Variants in CES5A observed in about 807,000 individuals in gnomAD.
CES5A encodes carboxylesterase 5A, also known as carboxylesterase 5.
Under a neutral mutation model 62.9 loss-of-function variants are expected in CES5A, and 67 were observed. That is an observed-to-expected ratio of 1.07 (90% CI 0.88 to 1.31). The LOEUF (loss-of-function observed/expected upper bound fraction) is 1.31. CES5A is among the 50% of genes most tolerant of loss of function. The pLI, the probability that CES5A is intolerant of heterozygous loss-of-function variation, is 0.00. For missense variants in CES5A, 748 were observed against 708.5 expected, an observed-to-expected ratio of 1.06 and a Z score of -0.63; for synonymous variants, 296 against 280.8, an observed-to-expected ratio of 1.05 and a Z score of -0.54.
upstream of CES5A, among the ~76,000 whole-genome samples, chr16:55,927,802 T>C (rs1354304338): frequency 6.6e-6 from 1 of 152,190 alleles, no homozygotes; most frequent in Non-Finnish European, 1.5e-5. Context: ...GTTACTATAT[T>C]TTAAAAAGTT....
chr16:55,873,293 A>G (rs1319199389), intron 2 of CES5A, among the ~76,000 whole-genome samples: 1 of 152,134 alleles, frequency 6.6e-6, no homozygotes, highest in African/African-American at 2.4e-5. Context: ...AGACACATCC[A>G]CATGTTCATT....
intron 9 of CES5A, among the ~76,000 whole-genome samples, chr16:55,854,534 T>TTTTTTTTC (rs2033197658): frequency 3.5e-4 from 4 of 11,462 alleles, no homozygotes; most frequent in South Asian, 2.8e-3. Flanking sequence ...AGTGTTTCTT[T>TTTTTTTTC]TTTTTTTTTC....
At chr16:55,854,457 C>A (rs2033192213) in intron 9 of CES5A, among the ~76,000 whole-genome samples, 2 of 151,428 alleles carry the variant, frequency 1.3e-5, no homozygotes. Flanking sequence ...AGTCCCAATT[C>A]ATCATCAGAC....
In CES5A at chr16:55,949,930, T is replaced by A. The variant is rs1378228659; in HGVS notation, c.43-28A>T. On this transcript the variant is annotated intron_variant, in intron 1 of 13. Transcript: ENST00000521992. ...GGAAAAAAAGAAATAATAATAATAA[T>A]AAACATTGATGATAACAATAATATA... 6.9e-6 allele frequency: 7 copies of A among 1,021,408 alleles called. No individual in the cohort carries two copies. The Admixed American group carries it at 1.3e-4, about 18-fold the overall frequency. The allele number at this position is 1,021,408 out of a possible 1,614,324, so 63.3% of individuals were successfully genotyped here. A position where few individuals can be genotyped will look rare whatever the true frequency, so the allele number is the denominator to read the frequency against.
chr16:55,894,511 A>G (rs1296278332), intron 1 of CES5A, among the ~76,000 whole-genome samples: 3 of 150,728 alleles, frequency 2.0e-5, no homozygotes, highest in Non-Finnish European at 3.0e-5. Flanking sequence ...AAAAAAAAAA[A>G]AAAAGAAAAG....
At chr16:55,954,342 G>A (rs1194858126) in intron 1 of CES5A, among the ~76,000 whole-genome samples, 2 of 152,140 alleles carry the variant, frequency 1.3e-5, no homozygotes, top group African/African-American at 4.8e-5. Context: ...GCAAAGGGAA[G>A]GCAGCAGAAA....
intron 8 of CES5A, 52 bp from the exon 9 acceptor site, chr16:55,856,497 C>A (rs1412853003): frequency 6.4e-7 from 1 of 1,551,124 alleles, no homozygotes; most frequent in African/African-American, 1.4e-5. Flanking sequence ...AGAAGGTAAA[C>A]CCATCTCCCC....
chr16:55,846,183 T>C lies in CES5A; in HGVS notation c.*268A>G. The C allele has an allele frequency of 2.0e-6, 1 of 499,010 alleles. No individual in the cohort carries two copies. Among genetic ancestry groups the C allele is most frequent in the Non-Finnish European group, 3.6e-6 (1 of 280,516 alleles). 30.9% of individuals were successfully genotyped at this position (499,010 alleles called of 1,614,324 possible). On this transcript the variant is annotated 3_prime_UTR_variant, in exon 13 of 13. Transcript: ENST00000290567. ...TTTTACATTCTGATTTTATTTCATA[T>C]GAGTTACAAAACCATTATTATGACA... is the stretch of plus-strand genomic sequence containing the variant.
chr16:55,884,674 C>T (rs1047494531), intron 1 of CES5A, among the ~76,000 whole-genome samples: 8 of 152,144 alleles, frequency 5.3e-5, no homozygotes, highest in Non-Finnish European at 7.3e-5. Flanking sequence ...TCACATCAGC[C>T]TCAACCTCCT....
chr16:55,865,118 A>G (rs776525167), intron 5 of CES5A, among the ~76,000 whole-genome samples: 7 of 152,216 alleles, frequency 4.6e-5, no homozygotes, highest in Non-Finnish European at 8.8e-5. Context: ...AGGCAAGAGA[A>G]TTGGTTGAAC....
At chr16:55,847,038 G>A (rs919091984) in intron 11 of CES5A, among the ~76,000 whole-genome samples, 198 bp from the exon 12 acceptor site, 1 of 152,094 alleles carries the variant, frequency 6.6e-6, no homozygotes, top group Non-Finnish European at 1.5e-5. Flanking sequence ...TGTGGCTTCC[G>A]AATGGTGGAA....
chr16:55,860,027 G>A (rs1352543943), intron 7 of CES5A, among the ~76,000 whole-genome samples: 14 of 152,162 alleles, frequency 9.2e-5, no homozygotes, highest in African/African-American at 3.1e-4. Flanking sequence ...ATTCCCACAT[G>A]TTGTGGCAGG....
chr16:55,850,316 T>G (rs199988638), intron 10 of CES5A, among the ~76,000 whole-genome samples: 2 of 152,204 alleles, frequency 1.3e-5, no homozygotes, highest in African/African-American at 2.4e-5. Context: ...TCACCACTAT[T>G]TAGGTCCAGA....
chr16:55,935,566 C>T (rs2034364768), intron 2 of CES5A, among the ~76,000 whole-genome samples: 1 of 152,150 alleles, frequency 6.6e-6, no homozygotes, highest in African/African-American at 2.4e-5. Context: ...ATGATTTCTT[C>T]TCCTTCCATA....
At chr16:55,880,556 C>T (rs374915251) in intron 1 of CES5A, among the ~76,000 whole-genome samples, 2 of 152,124 alleles carry the variant, frequency 1.3e-5, no homozygotes, top group Non-Finnish European at 2.9e-5. Flanking sequence ...CCAAGTCAGT[C>T]GGTATGAGAA....
intron 1 of CES5A, 52 bp from the exon 2 acceptor site, chr16:55,874,089 A>G (rs1376971795): frequency 2.7e-6 from 4 of 1,503,736 alleles, no homozygotes; most frequent in Admixed American, 2.0e-5. Context: ...AGGCAGGGCA[A>G]TGGCCCACCC....
intron 9 of CES5A, among the ~76,000 whole-genome samples, chr16:55,854,351 T>A (rs142530650): frequency 2.6e-3 from 393 of 152,052 alleles, no homozygotes; most frequent in South Asian, 0.025. Flanking sequence ...CCCTCACCTA[T>A]GGCTTAGATC....
intron 8 of CES5A, among the ~76,000 whole-genome samples, chr16:55,857,749 C>T (rs1191985887): frequency 6.6e-6 from 1 of 152,194 alleles, no homozygotes; most frequent in Non-Finnish European, 1.5e-5. Context: ...CTAGCATTTA[C>T]TGAGCACTGA....
chr16:55,859,263 C>G (rs1157278702), intron 8 of CES5A, among the ~76,000 whole-genome samples: 1 of 152,220 alleles, frequency 6.6e-6, no homozygotes, highest in African/African-American at 2.4e-5. Flanking sequence ...ATTTATAATA[C>G]TGTTTGAACA....
Sources: gnomAD v4.1 joint callset for allele counts (sites outside exome capture counted in the v4.1 genomes callset) on GRCh38, gnomAD v4.1.1 for gene constraint, MANE v1.5 for transcripts, NCBI Gene and HGNC (gene_info 2026-07-23, HGNC 2026-07-21) for gene names.